Variants in CDKL5 observed in about 807,000 individuals in gnomAD.
CDKL5 encodes cyclin dependent kinase like 5.
Under a neutral mutation model 61.7 loss-of-function variants are expected in CDKL5, and 8 were observed. The observed-to-expected ratio is 0.13, with a 90% CI of 0.08 to 0.23. The LOEUF (loss-of-function observed/expected upper bound fraction) is 0.23. CDKL5 is among the 10% of genes least tolerant of loss of function. The pLI, the probability that CDKL5 is intolerant of heterozygous loss-of-function variation, is 1.00. For missense variants in CDKL5, 440 were observed against 734.5 expected (o/e 0.60, Z 4.63); for synonymous variants, 275 against 272.3 (o/e 1.01, Z -0.10).
intron 2 of CDKL5, among the ~76,000 whole-genome samples, chrX:18,509,195 A>ACGCG (rs1209744204): frequency 1.5e-5 from 1 of 64,689 alleles, no homozygotes; most frequent in Admixed American, 1.8e-4. Context: ...GTCTCAAAAC[A>ACGCG]CGCACACACA....
In CDKL5 at chrX:18,650,537, C is replaced by T; in HGVS notation, c.2925C>T (p.Cys975=). The change falls in exon 21 of 22, where the codon TGC becomes TGT. Residue 975 remains cysteine (C), a synonymous_variant. Transcript: ENST00000379989. ...TCCAGGTCCGAGGCACTTCCATGTGCCCGACACTCCAGGTCCGAGGCACTG... is the reference window on the plus strand; with the variant it reads ...TCCAGGTCCGAGGCACTTCCATGTGTCCGACACTCCAGGTCCGAGGCACTG... 4 of 1,212,112 alleles carry T rather than the reference C, an allele frequency of 3.3e-6. 1 individual carries two copies. The South Asian group carries it at 5.3e-5, about 16-fold the overall frequency.
At position 18,571,454 on chromosome X, in the gene CDKL5, A is replaced by G. The variant is rs1019173528; in HGVS notation, c.146-3900A>G. Among the ~76,000 whole-genome samples, 4 of 111,606 alleles carry G rather than the reference A, an allele frequency of 3.6e-5. No homozygotes were observed. In the Admixed American group the frequency reaches 3.8e-4, roughly 11 times the overall value. On this transcript the variant is annotated intron_variant, in intron 4 of 17. Coordinates refer to ENST00000623535, the MANE Select transcript of CDKL5 (RefSeq NM_001323289.2). Reference sequence around the variant, plus strand: ...CAGCCTTGATAAAGAATCCTAGCCTAGACAAAGAATCCACGGGGATTATTT... The same window carrying G: ...CAGCCTTGATAAAGAATCCTAGCCTGGACAAAGAATCCACGGGGATTATTT...
intron 1 of CDKL5, among the ~76,000 whole-genome samples, chrX:18,474,261 C>T (rs1022946899): frequency 2.7e-5 from 3 of 111,607 alleles, no homozygotes; most frequent in East Asian, 5.7e-4. Flanking sequence ...TTCATTTTTA[C>T]AAGACCGTGA....
At chrX:18,610,965 C>T (rs1269572051) in intron 14 of CDKL5, among the ~76,000 whole-genome samples, 2 of 112,052 alleles carry the variant, frequency 1.8e-5, no homozygotes, top group Non-Finnish European at 3.8e-5. Flanking sequence ...ACTGCTTAGT[C>T]ATTTTAATTA....
chrX:18,438,121 A>G (rs1477487283), intron 1 of CDKL5, among the ~76,000 whole-genome samples: 4 of 110,868 alleles, frequency 3.6e-5, no homozygotes, highest in Non-Finnish European at 7.6e-5. Context: ...GCTGGAGTGC[A>G]GTGGCGCAAT....
intron 3 of CDKL5, among the ~76,000 whole-genome samples, chrX:18,529,678 T>C (rs2147108191): frequency 9.0e-6 from 1 of 111,204 alleles, no homozygotes; most frequent in East Asian, 2.8e-4. Flanking sequence ...TATTTCACTC[T>C]ACTTTCTTAC....
At chrX:18,547,788 T>C (rs1450199822) in intron 3 of CDKL5, among the ~76,000 whole-genome samples, 1 of 112,162 alleles carries the variant, frequency 8.9e-6, no homozygotes, top group African/African-American at 3.2e-5. Flanking sequence ...GATAAAATGC[T>C]AGATACTTGG....
Position 18,431,052 on chromosome X carries a change from C to T in CDKL5, c.-163+5357C>T, listed in dbSNP as rs754045083. Among the ~76,000 whole-genome samples, 6 of 108,505 alleles carry T rather than the reference C, an allele frequency of 5.5e-5. No individual in the cohort carries two copies. In the East Asian group the frequency reaches 1.2e-3, roughly 21 times the overall value. 94.2% of individuals were successfully genotyped at this position (108,505 alleles called of 115,157 possible). ...AATTTTTTTGCATTTTTAGTAGAGA[C>T]GGGGTTTCACCATGTTGGCCAAGTG... On this transcript the variant is annotated intron_variant, in intron 1 of 17. Transcript: ENST00000623535.
intron 1 of CDKL5, among the ~76,000 whole-genome samples, chrX:18,436,857 C>T (rs1036953215): frequency 2.6e-4 from 26 of 99,467 alleles, no homozygotes; most frequent in African/African-American, 9.8e-4. Flanking sequence ...CGTGATTATG[C>T]CACTGCACTC....
chrX:18,460,106 G>A (rs1932246491), intron 1 of CDKL5, among the ~76,000 whole-genome samples: 1 of 110,757 alleles, frequency 9.0e-6, no homozygotes, highest in African/African-American at 3.3e-5. Context: ...TCACCATGTT[G>A]GCCAGGATGG....
chrX:18,635,690 G>A lies in CDKL5; in HGVS notation c.*6933G>A, dbSNP rs780503939. ...TTGAGTGTTGTCACCTTTGCACGTC[G>A]CTAGACACTCACGTGGTAGTTTGAG... On this transcript the variant is annotated 3_prime_UTR_variant, in exon 18 of 18. Transcript: ENST00000623535. The A allele has an allele frequency of 2.6e-5, 17 of 642,015 alleles. No individual in the cohort carries two copies. Among genetic ancestry groups the A allele is most frequent in the South Asian group, 8.1e-5 (1 of 12,281 alleles). The allele number at this position is 642,015 out of a possible 1,213,427, so 52.9% of individuals were successfully genotyped here.
rs148302590 is a variant in CDKL5, at chrX:18,604,040, T to G, written c.1116T>G (p.Ala372=). The G allele has an allele frequency of 8.3e-7, 1 of 1,211,663 alleles. No homozygotes were observed. The highest frequency in any genetic ancestry group is 1.1e-6 in the Non-Finnish European group (1 of 895,498). The change falls in exon 12 of 18, where the codon GCT becomes GCG. Residue 372 remains alanine, a synonymous_variant. Transcript: ENST00000623535. ...ANESFLNGNL[A]GASLSPLHTK... ...AAAGCTTCCTAAATGGAAACCTTGCTGGAGCTAGTCTTAGTCCACTGCACA... is the reference window on the plus strand; with the variant it reads ...AAAGCTTCCTAAATGGAAACCTTGCGGGAGCTAGTCTTAGTCCACTGCACA...
chrX:18,430,072 T>A (rs1931450075), intron 1 of CDKL5, among the ~76,000 whole-genome samples: 1 of 112,121 alleles, frequency 8.9e-6, no homozygotes, highest in Non-Finnish European at 1.9e-5. Context: ...TGAACTCAGA[T>A]CCATCAGGAC....
chrX:18,624,007 C>T lies in CDKL5; in HGVS notation c.2377-1121C>T, dbSNP rs760561943. The T allele has an allele frequency of 2.5e-5, 19 of 747,832 alleles. No individual in the cohort carries two copies. In the East Asian group the frequency reaches 7.6e-4, roughly 30 times the overall value. 61.6% of individuals were successfully genotyped at this position (747,832 alleles called of 1,213,427 possible). A position where few individuals can be genotyped will look rare whatever the true frequency, so the allele number is the denominator to read the frequency against. ...CTGTAGTCACTCCACCCATGGTACC[C>T]GTTTTTATGTATGGTAGCCCTGAAA... is the stretch of plus-strand genomic sequence containing the variant. On this transcript the variant is annotated intron_variant, in intron 16 of 17. Coordinates refer to ENST00000623535, the MANE Select transcript of CDKL5 (RefSeq NM_001323289.2).
At chrX:18,626,305 G>A (rs1927041350) in intron 17 of CDKL5, among the ~76,000 whole-genome samples, 1 of 110,457 alleles carries the variant, frequency 9.1e-6, no homozygotes, top group Non-Finnish European at 1.9e-5. Flanking sequence ...CTGGGCTCAA[G>A]CAAGCCACCT....
chrX:18,568,891 C>T (rs969286444), intron 4 of CDKL5, among the ~76,000 whole-genome samples: 7 of 110,759 alleles, frequency 6.3e-5, no homozygotes, highest in African/African-American at 1.3e-4. Context: ...GGCAAGGTCT[C>T]GCTATGTTGC....
chrX:18,486,114 CTGGATTT>C (rs1349774475), intron 1 of CDKL5, among the ~76,000 whole-genome samples: 1 of 111,307 alleles, frequency 9.0e-6, no homozygotes, highest in Non-Finnish European at 1.9e-5. Context: ...GACTTTTGCC[CTGGATTT>C]CAGATATGCT....
intron 20 of CDKL5, chrX:18,650,312 C>G: frequency 1.3e-6 from 1 of 791,461 alleles, no homozygotes; most frequent in Non-Finnish European, 1.9e-6. Flanking sequence ...GGGAAGGTGA[C>G]GCTCTCACTG....
intron 2 of CDKL5, among the ~76,000 whole-genome samples, chrX:18,509,197 G>GCACGCGCGCGCGCGCGCGCGCGCACA (rs1204561636): frequency 1.6e-5 from 1 of 64,314 alleles, no homozygotes; most frequent in East Asian, 6.9e-4. Context: ...CTCAAAACAC[G>GCACGCGCGCGCGCGCGCGCGCGCACA]CACACACACA....
Sources: allele counts gnomAD v4.1 joint callset (sites outside exome capture counted in the v4.1 genomes callset), GRCh38; gene constraint gnomAD v4.1.1; transcripts MANE v1.5; gene names NCBI Gene and HGNC (gene_info 2026-07-23, HGNC 2026-07-21).